Variants in FARS2 observed in about 807,000 individuals in gnomAD.
The protein encoded by FARS2 is phenylalanine--tRNA ligase, mitochondrial.
In FARS2, 40 loss-of-function variants were observed where a neutral mutation model predicts 46.4. The ratio of observed to expected loss-of-function variants is 0.86; its 90% CI spans 0.67 to 1.12. FARS2 has a LOEUF of 1.12. Ranked by LOEUF, FARS2 falls within the 50% of genes most tolerant of loss-of-function variation. The pLI is 0.00. For missense variants in FARS2, 513 were observed against 567.9 expected (o/e 0.90, Z 0.98); for synonymous variants, 234 against 214.9 (o/e 1.09, Z -0.78).
chr6:5,624,675 TG>T (rs1225203960), intron 6 of FARS2, among the ~76,000 whole-genome samples: 1 of 152,196 alleles, frequency 6.6e-6, no homozygotes, highest in African/African-American at 2.4e-5. Flanking sequence ...CTTTCCAAGA[TG>T]AGGGATGAGA....
At position 5,583,644 on chromosome 6, in the gene FARS2, T is replaced by A. The variant is rs534936314; in HGVS notation, c.1066-29525T>A. On this transcript the variant is annotated intron_variant, in intron 5 of 6. Transcript: ENST00000274680. ...TGTTCTAAGCATTTTATGTATTTTT[T>A]AAAAACCTATTACATAGATATTGTT... 5.3e-5 allele frequency among the ~76,000 whole-genome samples: 8 copies of A among 152,356 alleles called. No homozygotes were observed. In the East Asian group the frequency reaches 7.7e-4, roughly 15 times the overall value.
At chr6:5,375,797 C>T (rs1759340725) in intron 2 of FARS2, among the ~76,000 whole-genome samples, 1 of 152,076 alleles carries the variant, frequency 6.6e-6, no homozygotes, top group East Asian at 1.9e-4. Context: ...ATCTCTACCT[C>T]ACTCTAAATC....
chr6:5,546,474 A>T (rs546589585), intron 5 of FARS2, among the ~76,000 whole-genome samples: 96 of 148,848 alleles, frequency 6.4e-4, no homozygotes, highest in South Asian at 3.0e-3. Flanking sequence ...CTGGTCTCAA[A>T]CTCCTGACCT....
intron 6 of FARS2, among the ~76,000 whole-genome samples, chr6:5,659,430 A>G (rs1777748050): frequency 6.6e-6 from 1 of 152,216 alleles, no homozygotes; most frequent in South Asian, 2.1e-4. Context: ...AGGAACTCAC[A>G]GTACAGCGAA....
At chr6:5,264,226 AACAGAGTGAGACCCTGTCT>A (rs1354211202) in intron 1 of FARS2, among the ~76,000 whole-genome samples, 2 of 152,186 alleles carry the variant, frequency 1.3e-5, no homozygotes, top group African/African-American at 4.8e-5. Flanking sequence ...TAGCCTGGGC[AACAGAGTGAGACCCTGTCT>A]ACCAAAAAGA....
intron 4 of FARS2, among the ~76,000 whole-genome samples, chr6:5,532,350 T>A (rs1769896257): frequency 6.6e-6 from 1 of 152,256 alleles, no homozygotes; most frequent in Non-Finnish European, 1.5e-5. Flanking sequence ...ACACTGTTTA[T>A]CTTTTCAACA....
At chr6:5,700,426 A>G (rs1304352455) in intron 6 of FARS2, among the ~76,000 whole-genome samples, 3 of 150,138 alleles carry the variant, frequency 2.0e-5, no homozygotes, top group African/African-American at 7.3e-5. Context: ...TTTTTTTTTG[A>G]GATGAAGTCT....
intron 4 of FARS2, among the ~76,000 whole-genome samples, chr6:5,507,164 CA>C (rs939376503): frequency 4.6e-5 from 7 of 152,002 alleles, no homozygotes; most frequent in African/African-American, 1.4e-4. Flanking sequence ...AATTTGGCAG[CA>C]AAAAAAGTGA....
intron 1 of FARS2, among the ~76,000 whole-genome samples, chr6:5,291,820 A>T (rs1767526646): frequency 6.6e-6 from 1 of 152,216 alleles, no homozygotes; most frequent in Non-Finnish European, 1.5e-5. Context: ...TTTCTTTATG[A>T]GTATTCATTT....
intron 4 of FARS2, among the ~76,000 whole-genome samples, chr6:5,502,370 G>A (rs766882530): frequency 1.3e-5 from 2 of 152,118 alleles, no homozygotes; most frequent in South Asian, 4.1e-4. Context: ...TACATCTGAA[G>A]TTATTCATTT....
At chr6:5,713,491 G>T (rs1019364265) in intron 6 of FARS2, among the ~76,000 whole-genome samples, 2 of 152,228 alleles carry the variant, frequency 1.3e-5, no homozygotes, top group African/African-American at 4.8e-5. Flanking sequence ...AGGAATAGAG[G>T]TCTGGAGACG....
At chr6:5,480,258 G>A (rs990828875) in intron 4 of FARS2, among the ~76,000 whole-genome samples, 1 of 152,126 alleles carries the variant, frequency 6.6e-6, no homozygotes, top group Non-Finnish European at 1.5e-5. Flanking sequence ...AGTTAAATAT[G>A]AAGCCTTCAA....
intron 5 of FARS2, among the ~76,000 whole-genome samples, chr6:5,610,459 T>G (rs1164964355): frequency 6.6e-6 from 1 of 152,068 alleles, no homozygotes; most frequent in African/African-American, 2.4e-5. Flanking sequence ...AATACAACAA[T>G]AAAACATAAT....
At chr6:5,397,609 A>T (rs972535006) in intron 2 of FARS2, among the ~76,000 whole-genome samples, 9 of 152,224 alleles carry the variant, frequency 5.9e-5, no homozygotes, top group African/African-American at 1.9e-4. Context: ...AACGATGCTT[A>T]AAAAAGTCTT....
chr6:5,699,786 G>A (rs2150881125), intron 6 of FARS2, among the ~76,000 whole-genome samples: 1 of 152,206 alleles, frequency 6.6e-6, no homozygotes, highest in Admixed American at 6.5e-5. Context: ...CTCAAATTTG[G>A]CAGCACAGTT....
chr6:5,712,443 T>C (rs1303739478), intron 6 of FARS2, among the ~76,000 whole-genome samples: 2 of 152,204 alleles, frequency 1.3e-5, no homozygotes, highest in Admixed American at 6.5e-5. Flanking sequence ...TGGGTAGGTC[T>C]GGGTACCTGG....
chr6:5,672,407 G>A (rs1277732175), intron 6 of FARS2, among the ~76,000 whole-genome samples: 1 of 152,142 alleles, frequency 6.6e-6, no homozygotes, highest in South Asian at 2.1e-4. Flanking sequence ...CTGTACCACA[G>A]TTGCTTCCGT....
chr6:5,284,047 C>T (rs1405557023), intron 1 of FARS2, among the ~76,000 whole-genome samples: 1 of 152,234 alleles, frequency 6.6e-6, no homozygotes. Context: ...TTCTTAGACC[C>T]TTACTGATAG....
chr6:5,581,759 C>A (rs1367233141), intron 5 of FARS2, among the ~76,000 whole-genome samples: 1 of 152,144 alleles, frequency 6.6e-6, no homozygotes, highest in African/African-American at 2.4e-5. Context: ...CCGGTTAATT[C>A]CTGATGCGCT....
Sources: allele counts gnomAD v4.1 joint callset (sites outside exome capture counted in the v4.1 genomes callset), GRCh38; gene constraint gnomAD v4.1.1; transcripts MANE v1.5; gene names NCBI Gene and HGNC (gene_info 2026-07-23, HGNC 2026-07-21).